The following HTRA1 variants were observed in gnomAD, a reference collection of about 807,000 sequenced individuals.
The protein encoded by HTRA1 is HtrA serine peptidase 1.
A neutral mutation model predicts 49.7 loss-of-function variants in HTRA1; 26 were observed. The ratio of observed to expected loss-of-function variants is 0.52; its 90% CI spans 0.38 to 0.73. HTRA1 has a LOEUF of 0.73. Ranked by LOEUF, HTRA1 falls within the 30% of genes least tolerant of loss-of-function variation. The pLI, the probability that HTRA1 is intolerant of heterozygous loss-of-function variation, is 0.00. For missense variants in HTRA1, 561 were observed against 667.2 expected, an observed-to-expected ratio of 0.84 and a Z score of 1.75; for synonymous variants, 291 against 286.9, an observed-to-expected ratio of 1.01 and a Z score of -0.14.
Position 122,461,804 on chromosome 10 carries a change from A to G in HTRA1, c.152A>G (p.Glu51Gly), listed in dbSNP as rs2097481474. 2.7e-5 allele frequency: 29 copies of G among 1,065,134 alleles called. No individual in the cohort carries two copies. Among genetic ancestry groups the G allele is most frequent in the Non-Finnish European group, 3.3e-5 (29 of 884,400 alleles). 66.0% of individuals were successfully genotyped at this position (1,065,134 alleles called of 1,614,324 possible). ...CCGGCGCGCTGCCCGCCGCAGCCGG[A>G]GCACTGCGAGGGCGGCCGGGCCCGG... is the stretch of plus-strand genomic sequence containing the variant. Reference protein sequence around the residue: ...CEPARCPPQPEHCEGGRARDA... With the variant: ...CEPARCPPQPGHCEGGRARDA... Residue 51 changes from glutamate (E) to glycine (G), a missense_variant, in exon 1 of 9, where the codon GAG becomes GGG. This residue lies in a region of HTRA1 where 111 missense variants were observed against 83.7 expected (regional missense o/e 1.33). Transcript: ENST00000368984.
chr10:122,496,549 T>C (rs1414436487), intron 3 of HTRA1, among the ~76,000 whole-genome samples: 1 of 151,992 alleles, frequency 6.6e-6, no homozygotes, highest in Non-Finnish European at 1.5e-5. Context: ...TAAGATCTAG[T>C]GTGGGAAATG....
intron 3 of HTRA1, 113 bp downstream of exon 3, chr10:122,489,739 C>A: frequency 1.0e-6 from 1 of 977,634 alleles, no homozygotes; most frequent in Non-Finnish European, 1.6e-6. Context: ...TGAAGCCAGT[C>A]TGAGCCAGTC....
At position 122,461,875 on chromosome 10, in the gene HTRA1, G is replaced by GCGTGCGGCCTGCAGGAGGGCC; in HGVS notation, c.232_252dup (p.Leu78_Gly84dup). 1 of 1,230,716 alleles carries GCGTGCGGCCTGCAGGAGGGCC rather than the reference G, an allele frequency of 8.1e-7. No homozygotes were observed. The highest frequency in any genetic ancestry group is 1.0e-6 in the Non-Finnish European group (1 of 990,092). 76.2% of individuals were successfully genotyped at this position (1,230,716 alleles called of 1,614,324 possible). A position where few individuals can be genotyped will look rare whatever the true frequency, so the allele number is the denominator to read the frequency against. On this transcript the variant is annotated inframe_insertion, in exon 1 of 9. Coordinates refer to ENST00000368984, the MANE Select transcript of HTRA1 (RefSeq NM_002775.5). ...GGTGTGCGGCGCGCCCGAGGGCGCC[G>GCGTGCGGCCTGCAGGAGGGCC]CGTGCGGCCTGCAGGAGGGCCCGTG...
intron 1 of HTRA1, among the ~76,000 whole-genome samples, chr10:122,472,386 ATTATT>A (rs1455930386): frequency 1.4e-5 from 2 of 141,480 alleles, no homozygotes; most frequent in African/African-American, 2.6e-5. Flanking sequence ...TATTATTATT[ATTATT>A]ATTATTATTA....
At chr10:122,495,647 T>C (rs534109073) in intron 3 of HTRA1, among the ~76,000 whole-genome samples, 11 of 152,206 alleles carry the variant, frequency 7.2e-5, no homozygotes, top group Non-Finnish European at 1.5e-4. Context: ...TATATTTTTC[T>C]CTTAATATGG....
chr10:122,502,559 A>G (rs1309391469), intron 3 of HTRA1, among the ~76,000 whole-genome samples: 1 of 152,184 alleles, frequency 6.6e-6, no homozygotes, highest in Non-Finnish European at 1.5e-5. Context: ...GTCTTCCTAA[A>G]GTCCCTCTGT....
intron 3 of HTRA1, among the ~76,000 whole-genome samples, chr10:122,497,532 A>T (rs2097499257): frequency 6.6e-6 from 1 of 152,106 alleles, no homozygotes. Context: ...CGCTGGGCCC[A>T]CCAAATAGAG....
At position 122,462,056 on chromosome 10, in the gene HTRA1, C is replaced by A. The variant is rs988755251; in HGVS notation, c.404C>A (p.Ala135Asp). The change falls in exon 1 of 9, where the codon GCC (alanine) becomes GAC (aspartate). Residue 135 changes from alanine to aspartate, a missense_variant. This residue lies in a region of HTRA1 where 271 missense variants were observed against 410.0 expected (regional missense o/e 0.66). Transcript: ENST00000368984. Reference sequence around the variant, plus strand: ...GCCAACCTGTGCCAGCTGCGCGCCGCCAGCCGCCGCTCCGAGAGGCTGCAC... The same window carrying A: ...GCCAACCTGTGCCAGCTGCGCGCCGACAGCCGCCGCTCCGAGAGGCTGCAC... The part of the protein sequence containing the change: ...TYANLCQLRA[A>D]SRRSERLHRP... 5 of 1,533,820 alleles carry A rather than the reference C, an allele frequency of 3.3e-6. No individual in the cohort carries two copies. Among genetic ancestry groups the A allele is most frequent in the East Asian group, 4.9e-5 (2 of 40,842 alleles).
chr10:122,484,870 C>A (rs921210313), intron 1 of HTRA1, among the ~76,000 whole-genome samples: 2 of 152,198 alleles, frequency 1.3e-5, no homozygotes, highest in African/African-American at 4.8e-5. Flanking sequence ...GACGCCCCCA[C>A]CCTCTGTCCC....
At chr10:122,508,623 G>C in intron 5 of HTRA1, 33 bp from the exon 6 acceptor site, 1 of 1,360,504 alleles carries the variant, frequency 7.4e-7, no homozygotes, top group Middle Eastern at 1.8e-4. Context: ...AAAGCTTCAC[G>C]ATTCAGTAAG....
Position 122,464,343 on chromosome 10 carries a change from C to T in HTRA1, c.472+2219C>T, listed in dbSNP as rs917697354. 1.3e-5 allele frequency among the ~76,000 whole-genome samples: 2 copies of T among 152,136 alleles called. No homozygotes were observed. Among genetic ancestry groups the T allele is most frequent in the African/African-American group, 4.8e-5 (2 of 41,430 alleles). ...GGCCATCGGGCTCACAGCGGGCCCCCGGTGTACCAGTGAGGGGACAGCCAC... is the reference window on the plus strand; with the variant it reads ...GGCCATCGGGCTCACAGCGGGCCCCTGGTGTACCAGTGAGGGGACAGCCAC... On this transcript the variant is annotated intron_variant, in intron 1 of 8. Coordinates refer to ENST00000368984, the MANE Select transcript of HTRA1 (RefSeq NM_002775.5). This position sits in a 1 kb window ranked among gnomAD's most constrained non-coding sequence, Gnocchi z 4.8.
chr10:122,483,550 T>C (rs1428318687), intron 1 of HTRA1, among the ~76,000 whole-genome samples: 1 of 152,262 alleles, frequency 6.6e-6, no homozygotes, highest in Non-Finnish European at 1.5e-5. Context: ...AGAATTACTC[T>C]GGATTGTCTA....
Position 122,494,738 on chromosome 10 carries a change from C to T in HTRA1, c.777+5112C>T, listed in dbSNP as rs544456263. On this transcript the variant is annotated intron_variant, in intron 3 of 8. Transcript: ENST00000368984. The surrounding 1 kb of genome is among the most constrained non-coding windows in gnomAD (Gnocchi z 4.0). Reference sequence around the variant, plus strand: ...GAGGGAGCCCTCTGGGCGCTGGGGCCGCTGTGTTTGCAGAGGGTCCTCTTA... The same window carrying T: ...GAGGGAGCCCTCTGGGCGCTGGGGCTGCTGTGTTTGCAGAGGGTCCTCTTA... 6.6e-6 allele frequency among the ~76,000 whole-genome samples: 1 copy of T among 152,142 alleles called. No individual in the cohort carries two copies. The highest frequency in any genetic ancestry group is 1.5e-5 in the Non-Finnish European group (1 of 68,038).
At chr10:122,476,964 CTTTTTTTTTT>C (rs36120668) in intron 1 of HTRA1, among the ~76,000 whole-genome samples, 1 of 104,018 alleles carries the variant, frequency 9.6e-6, no homozygotes. Context: ...TTTATAGTTA[CTTTTTTTTTT>C]TTTTTTTTTT....
intron 3 of HTRA1, among the ~76,000 whole-genome samples, chr10:122,503,822 A>G (rs375209800): frequency 2.4e-4 from 37 of 152,130 alleles, no homozygotes; most frequent in African/African-American, 8.0e-4. Context: ...TTTCTGTCTT[A>G]GGGTTGCCCT....
chr10:122,463,330 C>T (rs764690624), intron 1 of HTRA1, among the ~76,000 whole-genome samples: 1 of 152,112 alleles, frequency 6.6e-6, no homozygotes, highest in African/African-American at 2.4e-5. Context: ...GCACAGCCCT[C>T]GGGAAACTCA....
At position 122,496,224 on chromosome 10, in the gene HTRA1, G is replaced by C. The variant is rs1378364663; in HGVS notation, c.777+6598G>C. ...GCCCTTTCGTTTGCCAGAGATTGTG[G>C]GTTCTTTTTTTTTTTTTTTTTTTTT... On this transcript the variant is annotated intron_variant, in intron 3 of 8. Transcript: ENST00000368984. Among the ~76,000 whole-genome samples, 49 of 32,106 alleles carry C rather than the reference G, an allele frequency of 1.5e-3. No individual in the cohort carries two copies. The South Asian group carries it at 0.036, about 24-fold the overall frequency. The allele number at this position is 32,106 out of a possible 152,430, so 21.1% of individuals were successfully genotyped here.
chr10:122,504,867 C>T (rs1464531886), intron 3 of HTRA1, among the ~76,000 whole-genome samples: 1 of 152,204 alleles, frequency 6.6e-6, no homozygotes, highest in Non-Finnish European at 1.5e-5. Context: ...TGCGGCAGGC[C>T]TGCACCTCCC....
intron 1 of HTRA1, among the ~76,000 whole-genome samples, chr10:122,467,276 C>T (rs956136437): frequency 2.0e-5 from 3 of 152,092 alleles, no homozygotes; most frequent in South Asian, 4.2e-4. Flanking sequence ...CCAACTGGGG[C>T]GGAGGGGCTG....
Sources: gnomAD v4.1 joint callset for allele counts (sites outside exome capture counted in the v4.1 genomes callset) on GRCh38, gnomAD v4.1.1 for gene constraint, gnomAD v4.1.1 regional missense constraint, Gnocchi (gnomAD v3.1) non-coding constraint, MANE v1.5 for transcripts, NCBI Gene and HGNC (gene_info 2026-07-23, HGNC 2026-07-21) for gene names.